EFCAB6: variants seen among roughly 807,000 people sequenced by gnomAD.
EFCAB6 encodes EF-hand calcium binding domain 6, also known as EF-hand calcium-binding domain-containing protein 6.
In EFCAB6, 156 loss-of-function variants were observed where a neutral mutation model predicts 169.8. That is an observed-to-expected ratio of 0.92 (90% confidence interval 0.81 to 1.05). The LOEUF (loss-of-function observed/expected upper bound fraction) is 1.05. Among genes scored for constraint, EFCAB6 ranks in the 50% least tolerant of loss-of-function variants. The probability of loss-of-function intolerance (pLI) is 0.00; values close to 1 mark genes in which losing one functional copy is unlikely to be tolerated. For missense variants in EFCAB6, 1,800 were observed against 1,829.1 expected, an observed-to-expected ratio of 0.98 and a Z score of 0.29; for synonymous variants, 698 against 676.4, an observed-to-expected ratio of 1.03 and a Z score of -0.50.
At chr22:43,532,134 T>C (rs1006077426) in intron 30 of EFCAB6, 17 of 151,582 alleles carry the variant, frequency 1.1e-4, no homozygotes, top group African/African-American at 4.1e-4. Context: ...GTGCAGGGAT[T>C]TGAGGAGTGG....
At chr22:43,591,215 C>A (rs1306291782) in intron 23 of EFCAB6, among the ~76,000 whole-genome samples, 1 of 149,774 alleles carries the variant, frequency 6.7e-6, no homozygotes, top group African/African-American at 2.4e-5. Flanking sequence ...CCCAACACTT[C>A]GGGAGGCTGC....
intron 5 of EFCAB6, among the ~76,000 whole-genome samples, chr22:43,763,083 G>C (rs145671793): frequency 6.6e-6 from 1 of 152,232 alleles, no homozygotes; most frequent in East Asian, 1.9e-4. Context: ...CTGTCACCCA[G>C]GCTGGAGTGC....
intron 13 of EFCAB6, among the ~76,000 whole-genome samples, chr22:43,674,540 G>A (rs1201891364): frequency 6.6e-6 from 1 of 152,162 alleles, no homozygotes; most frequent in African/African-American, 2.4e-5. Context: ...GGCAGCCAGG[G>A]AGCCTGAGGA....
chr22:43,540,976 AAAATG>A (rs942126227), intron 27 of EFCAB6, among the ~76,000 whole-genome samples: 5 of 127,076 alleles, frequency 3.9e-5, no homozygotes, highest in Non-Finnish European at 7.0e-5. Context: ...GATAGAAAAA[AAAATG>A]AATGACTCAA....
In EFCAB6 at chr22:43,537,578, C is replaced by T. The variant is rs751557364; in HGVS notation, c.3880-33G>A. On this transcript the variant is annotated intron_variant, in intron 28 of 31. Transcript: ENST00000262726. This position sits in a 1 kb window ranked among gnomAD's most constrained non-coding sequence, Gnocchi z 4.3. ...GGAAGAAAAGAAAAGGCTCTTTTCA[C>T]TTAAGATTTAAAACGGAAGTCATCA... 5.1e-6 allele frequency: 8 copies of T among 1,574,116 alleles called. 1 individual carries two copies. In the South Asian group the frequency reaches 9.3e-5, roughly 18 times the overall value.
chr22:43,752,711 T>C (rs2060815661), intron 6 of EFCAB6, among the ~76,000 whole-genome samples: 1 of 152,204 alleles, frequency 6.6e-6, no homozygotes, highest in African/African-American at 2.4e-5. Context: ...CCTGGAGTGC[T>C]GGCAACCTCC....
At chr22:43,562,768 T>C (rs1284034287) in intron 26 of EFCAB6, among the ~76,000 whole-genome samples, 2 of 39,482 alleles carry the variant, frequency 5.1e-5, no homozygotes, top group Admixed American at 6.1e-4. Flanking sequence ...GCAGCCCAGG[T>C]CAGGGGTGGG....
intron 4 of EFCAB6, among the ~76,000 whole-genome samples, chr22:43,769,836 C>T (rs534144089): frequency 6.6e-5 from 10 of 151,310 alleles, no homozygotes; most frequent in African/African-American, 2.4e-4. Flanking sequence ...ACCTCCAACA[C>T]CTGGGCTCAA....
chr22:43,551,160 G>C (rs1336307684), intron 27 of EFCAB6, among the ~76,000 whole-genome samples: 1 of 152,124 alleles, frequency 6.6e-6, no homozygotes, highest in Non-Finnish European at 1.5e-5. Flanking sequence ...ATGGCATGAG[G>C]GTCTAGACAT....
intron 2 of EFCAB6, among the ~76,000 whole-genome samples, chr22:43,804,758 C>CGCA (rs2062851086): frequency 7.9e-6 from 1 of 127,056 alleles, no homozygotes; most frequent in African/African-American, 3.0e-5. Context: ...AGCCCTGCCT[C>CGCA]AAAAAAAAAA....
rs1216029089 is a variant in EFCAB6 at position 43,747,579 on chromosome 22, A to T, written c.507+8187T>A. 2.6e-5 allele frequency among the ~76,000 whole-genome samples: 4 copies of T among 152,094 alleles called. No individual in the cohort carries two copies. In the East Asian group the frequency reaches 7.7e-4, roughly 29 times the overall value. ...AAGACTGTTAGCTCACTCAGTGCACACTCAGCTGGGAGTGCCTACGTCCTC... is the reference window on the plus strand; with the variant it reads ...AAGACTGTTAGCTCACTCAGTGCACTCTCAGCTGGGAGTGCCTACGTCCTC... On this transcript the variant is annotated intron_variant, in intron 6 of 31. Transcript: ENST00000262726.
chr22:43,668,624 G>C (rs1434232109), intron 16 of EFCAB6, among the ~76,000 whole-genome samples: 2 of 152,132 alleles, frequency 1.3e-5, no homozygotes, highest in Non-Finnish European at 2.9e-5. Context: ...CTAAGTTTGT[G>C]AGCCAAGTCC....
intron 22 of EFCAB6, among the ~76,000 whole-genome samples, chr22:43,600,839 T>G (rs528914800): frequency 6.6e-6 from 1 of 152,216 alleles, no homozygotes; most frequent in South Asian, 2.1e-4. Flanking sequence ...ATGTTTCTAT[T>G]TTTAGTAGAG....
chr22:43,607,389 C>T (rs1443164470), intron 22 of EFCAB6, among the ~76,000 whole-genome samples: 1 of 152,124 alleles, frequency 6.6e-6, no homozygotes, highest in Non-Finnish European at 1.5e-5. Flanking sequence ...CATTCTGTGC[C>T]CTGACAGCTC....
chr22:43,571,389 T>C (rs909220947), intron 26 of EFCAB6, among the ~76,000 whole-genome samples: 1 of 152,216 alleles, frequency 6.6e-6, no homozygotes, highest in African/African-American at 2.4e-5. Flanking sequence ...GTAATCTCCT[T>C]TTAATTACTT....
chr22:43,682,451 G>T (rs910683042), intron 12 of EFCAB6, among the ~76,000 whole-genome samples: 6 of 152,170 alleles, frequency 3.9e-5, no homozygotes, highest in African/African-American at 1.4e-4. Flanking sequence ...TAAAGGAAAT[G>T]AAGGTTTCCC....
At chr22:43,788,051 C>T (rs539115320) in intron 2 of EFCAB6, among the ~76,000 whole-genome samples, 19 of 152,184 alleles carry the variant, frequency 1.2e-4, no homozygotes, top group Admixed American at 1.0e-3. Flanking sequence ...AAGTTGGCCC[C>T]CTAGCTCACA....
intron 17 of EFCAB6, among the ~76,000 whole-genome samples, chr22:43,648,628 G>A (rs565513474): frequency 9.2e-5 from 14 of 152,176 alleles, no homozygotes; most frequent in South Asian, 6.2e-4. Flanking sequence ...CCTGGGTGGC[G>A]GGATTATTCA....
intron 27 of EFCAB6, among the ~76,000 whole-genome samples, chr22:43,546,770 G>A (rs1009859925): frequency 2.6e-5 from 4 of 151,884 alleles, no homozygotes; most frequent in Admixed American, 6.6e-5. Flanking sequence ...CTATTCGGGA[G>A]GCTGAGGCAA....
Sources: gnomAD v4.1 joint callset for allele counts (sites outside exome capture counted in the v4.1 genomes callset) on GRCh38, gnomAD v4.1.1 for gene constraint, Gnocchi (gnomAD v3.1) non-coding constraint, MANE v1.5 for transcripts, NCBI Gene and HGNC (gene_info 2026-07-23, HGNC 2026-07-21) for gene names.